KATNIP: variants seen among roughly 807,000 people sequenced by gnomAD.
The protein encoded by KATNIP is katanin-interacting protein.
Under a neutral mutation model 174.0 loss-of-function variants are expected in KATNIP, and 126 were observed. The ratio of observed to expected loss-of-function variants is 0.72; its 90% confidence interval spans 0.63 to 0.84. The LOEUF is 0.84. Among genes scored for constraint, KATNIP ranks in the 40% least tolerant of loss-of-function variants. KATNIP has a pLI of 0.00. For synonymous variants in KATNIP, 810 were observed against 835.7 expected (o/e 0.97, Z 0.53); for missense variants, 1,958 against 2,109.7 (o/e 0.93, Z 1.41).
At chr16:27,771,676 C>T (rs1255102232) in intron 22 of KATNIP, 24 bp downstream of exon 22, 1 of 1,611,350 alleles carries the variant, frequency 6.2e-7, no homozygotes. Context: ...CCCGCCCCAC[C>T]AGCACATTCT....
At position 27,776,058 on chromosome 16, in the gene KATNIP, C is replaced by G. The variant is rs2082486579; in HGVS notation, c.4450-870C>G. Among the ~76,000 whole-genome samples the G allele has an allele frequency of 7.9e-5, 12 of 152,202 alleles. No homozygotes were observed. Among genetic ancestry groups the G allele is most frequent in the Admixed American group, 7.9e-4 (12 of 15,286 alleles). ...GCCTTTTGGGGTGCGGCGACTTCAGCTGTTGCTCTCGCGGCTGGACTCCAA... is the reference window on the plus strand; with the variant it reads ...GCCTTTTGGGGTGCGGCGACTTCAGGTGTTGCTCTCGCGGCTGGACTCCAA... On this transcript the variant is annotated intron_variant, in intron 24 of 27. Coordinates refer to ENST00000261588, the MANE Select transcript of KATNIP (RefSeq NM_015202.5). This position sits in a 1 kb window ranked among gnomAD's most constrained non-coding sequence, Gnocchi z 4.7.
chr16:27,690,919 G>A (rs2142906588), intron 8 of KATNIP, among the ~76,000 whole-genome samples: 1 of 152,250 alleles, frequency 6.6e-6, no homozygotes, highest in South Asian at 2.1e-4. Flanking sequence ...GAGATGCCAG[G>A]AATCCCAATT....
At chr16:27,767,843 C>T (rs1032633598) in intron 20 of KATNIP, among the ~76,000 whole-genome samples, 1 of 152,184 alleles carries the variant, frequency 6.6e-6, no homozygotes, top group African/African-American at 2.4e-5. Context: ...CTCCCAATGC[C>T]GCCCTGTGTC....
chr16:27,597,441 G>T (rs2141909961), intron 2 of KATNIP, among the ~76,000 whole-genome samples: 1 of 101,044 alleles, frequency 9.9e-6, no homozygotes, highest in African/African-American at 3.7e-5. Context: ...TACCAGAAAT[G>T]GTGTTACACT....
intron 14 of KATNIP, among the ~76,000 whole-genome samples, chr16:27,722,700 G>T (rs192071591): frequency 6.6e-6 from 1 of 152,154 alleles, no homozygotes; most frequent in South Asian, 2.1e-4. Flanking sequence ...GGAGTGGTGG[G>T]GACTATGGCA....
At chr16:27,666,552 G>A (rs996805451) in intron 6 of KATNIP, among the ~76,000 whole-genome samples, 15 of 151,966 alleles carry the variant, frequency 9.9e-5, no homozygotes, top group Non-Finnish European at 2.2e-4. Context: ...TGAGTAACTG[G>A]GATTACAGGT....
intron 1 of KATNIP, among the ~76,000 whole-genome samples, chr16:27,555,375 G>A (rs28608079): frequency 6.6e-6 from 1 of 152,162 alleles, no homozygotes; most frequent in Non-Finnish European, 1.5e-5. Flanking sequence ...CTGTGATGCA[G>A]TGTAATGTCC....
chr16:27,715,584 C>G (rs921453481), intron 13 of KATNIP, among the ~76,000 whole-genome samples: 1 of 151,880 alleles, frequency 6.6e-6, no homozygotes, highest in Admixed American at 6.6e-5. Context: ...AGAAAAAAAC[C>G]GTAATGACAA....
chr16:27,768,321 G>T (rs1243747969), intron 20 of KATNIP, among the ~76,000 whole-genome samples: 1 of 152,190 alleles, frequency 6.6e-6, no homozygotes, highest in African/African-American at 2.4e-5. Context: ...CTATAAGATG[G>T]AGGTGGTGAT....
intron 22 of KATNIP, 23 bp from the exon 23 acceptor site, chr16:27,773,076 T>A: frequency 7.0e-7 from 1 of 1,437,200 alleles, no homozygotes; most frequent in Non-Finnish European, 9.6e-7. Context: ...TTAAGCCTTC[T>A]TTTCCTTAAT....
At chr16:27,724,569 G>C (rs1275083480) in intron 14 of KATNIP, among the ~76,000 whole-genome samples, 2 of 152,192 alleles carry the variant, frequency 1.3e-5, no homozygotes, top group South Asian at 4.1e-4. Flanking sequence ...TGGCTGCAGG[G>C]ATTTGAGAGC....
rs539529479 is a variant in KATNIP, at chr16:27,769,802, C to T, written c.3976-59C>T. On this transcript the variant is annotated intron_variant, in intron 20 of 27. Transcript: ENST00000261588. ...CCAGCAGCTCCGGTCACGTCAGCAC[C>T]GCTTCTGTCCCCACATGGCCTGCCT... 4.9e-5 allele frequency: 78 copies of T among 1,589,962 alleles called. No homozygotes were observed. In the South Asian group the frequency reaches 7.3e-4, roughly 15 times the overall value.
intron 2 of KATNIP, among the ~76,000 whole-genome samples, chr16:27,589,639 T>C (rs2075107507): frequency 6.6e-6 from 1 of 152,146 alleles, no homozygotes; most frequent in Admixed American, 6.6e-5. Context: ...ATTAACAGCT[T>C]TTTATATTTT....
At chr16:27,660,089 T>A in intron 6 of KATNIP, 1 of 860,932 alleles carries the variant, frequency 1.2e-6, no homozygotes, top group Non-Finnish European at 1.4e-6. Context: ...GGAAGGTAGC[T>A]TGGGTTTTTC....
intron 6 of KATNIP, 38 bp from the exon 7 acceptor site, chr16:27,677,691 C>T: frequency 6.4e-7 from 1 of 1,565,294 alleles, no homozygotes; most frequent in South Asian, 1.2e-5. Flanking sequence ...CTCAAGGTAC[C>T]ATATTTATCT....
At chr16:27,764,105 C>G (rs2082048468) in intron 19 of KATNIP, among the ~76,000 whole-genome samples, 1 of 152,138 alleles carries the variant, frequency 6.6e-6, no homozygotes, top group Non-Finnish European at 1.5e-5. Flanking sequence ...GGTATTTTCA[C>G]CTACTATTCT....
intron 2 of KATNIP, among the ~76,000 whole-genome samples, chr16:27,586,555 G>A (rs2090905186): frequency 6.6e-6 from 1 of 151,926 alleles, no homozygotes; most frequent in Non-Finnish European, 1.5e-5. Flanking sequence ...AAGGTCAGAT[G>A]CAGTGGCTCA....
chr16:27,771,795 C>T (rs1271894948), intron 22 of KATNIP, 143 bp downstream of exon 22: 12 of 750,268 alleles, frequency 1.6e-5, no homozygotes, highest in South Asian at 3.8e-5. Flanking sequence ...GGATAGGAGG[C>T]CTCCTGGGTC....
chr16:27,553,592 A>T (rs998145227), intron 1 of KATNIP, among the ~76,000 whole-genome samples: 2 of 152,198 alleles, frequency 1.3e-5, no homozygotes, highest in African/African-American at 4.8e-5. Context: ...AGACAAGAGG[A>T]TCTCTTCAGC....
Sources: allele counts gnomAD v4.1 joint callset (sites outside exome capture counted in the v4.1 genomes callset), GRCh38; gene constraint gnomAD v4.1.1; non-coding constraint Gnocchi (gnomAD v3.1); transcripts MANE v1.5; gene names NCBI Gene and HGNC (gene_info 2026-07-23, HGNC 2026-07-21).